Variants in ZXDC observed in about 807,000 individuals in gnomAD.
ZXDC encodes zinc finger protein ZXDC.
In ZXDC, 58 loss-of-function variants were observed where a neutral mutation model predicts 63.6. The observed-to-expected ratio is 0.91, with a 90% CI of 0.74 to 1.13. The LOEUF is 1.13. ZXDC is among the 50% of genes most tolerant of loss of function. The pLI is 0.00. For synonymous variants in ZXDC, 561 were observed against 496.1 expected, an observed-to-expected ratio of 1.13 and a Z score of -1.74; for missense variants, 1,133 against 1,148.9, an observed-to-expected ratio of 0.99 and a Z score of 0.20.
intron 7 of ZXDC, among the ~76,000 whole-genome samples, chr3:126,444,502 A>C (rs557576667): frequency 5.9e-5 from 9 of 152,182 alleles, no homozygotes; most frequent in Non-Finnish European, 1.2e-4. Context: ...ACTGCACTCC[A>C]GCCTGGGTGA....
intron 5 of ZXDC, among the ~76,000 whole-genome samples, chr3:126,465,170 GAAGT>G (rs1300412651): frequency 6.6e-6 from 1 of 152,240 alleles, no homozygotes; most frequent in Non-Finnish European, 1.5e-5. Flanking sequence ...CTGAGCAGCA[GAAGT>G]AACTCTAGGG....
chr3:126,445,771 C>A (rs530402804), intron 7 of ZXDC, among the ~76,000 whole-genome samples: 3 of 152,106 alleles, frequency 2.0e-5, no homozygotes, highest in Non-Finnish European at 4.4e-5. Context: ...AGGGGCCAAG[C>A]CCCAGTTGCT....
intron 7 of ZXDC, among the ~76,000 whole-genome samples, chr3:126,449,083 A>AC: frequency 6.6e-6 from 1 of 152,072 alleles, no homozygotes; most frequent in East Asian, 1.9e-4. Context: ...ATGTAGCAGG[A>AC]CCCCATCCTA....
intron 7 of ZXDC, chr3:126,451,954 G>A (rs1934120771): frequency 1.0e-6 from 1 of 985,394 alleles, no homozygotes; most frequent in Non-Finnish European, 1.2e-6. Flanking sequence ...ACAAGGGCAG[G>A]CTGCCCCCAC....
At chr3:126,466,381 C>A (rs1371145143) in intron 4 of ZXDC, 56 bp from the exon 5 acceptor site, 1 of 1,605,874 alleles carries the variant, frequency 6.2e-7, no homozygotes. Context: ...GAACCAGGAA[C>A]AAGTGACACT....
rs1933819171 is a variant in ZXDC at position 126,444,776 on chromosome 3, T to C, written c.2213-2830A>G. On this transcript the variant is annotated intron_variant, in intron 7 of 9. Coordinates refer to ENST00000389709, the MANE Select transcript of ZXDC (RefSeq NM_025112.5). ...AGCAAGAAATATGACTGAATCCTAA[T>C]ATTCCTTTGCAAAATGTGTGCTAGA... Among the ~76,000 whole-genome samples the C allele has an allele frequency of 2.0e-5, 3 of 152,220 alleles. No homozygotes were observed. The South Asian group carries it at 6.2e-4, about 31-fold the overall frequency.
At chr3:126,472,767 A>G (rs1935030198) in intron 1 of ZXDC, among the ~76,000 whole-genome samples, 2 of 152,126 alleles carry the variant, frequency 1.3e-5, no homozygotes, top group Admixed American at 6.5e-5. Flanking sequence ...CTACATATCC[A>G]AATTTCCTCC....
At chr3:126,451,233 C>T (rs1019927821) in intron 7 of ZXDC, 15 of 985,406 alleles carry the variant, frequency 1.5e-5, no homozygotes, top group East Asian at 1.1e-4. Flanking sequence ...GAAAACACCA[C>T]TTCATGCATG....
Position 126,437,817 on chromosome 3 carries a change from C to G in ZXDC, c.*558G>C, listed in dbSNP as rs7131. 0.24 allele frequency: 37,370 copies of G among 154,470 alleles called. 4,748 individuals are homozygous for G. The highest frequency in any genetic ancestry group is 0.41 in the East Asian group (2,106 of 5,166). The allele number at this position is 154,470 out of a possible 1,614,324, so 9.6% of individuals were successfully genotyped here. A position where few individuals can be genotyped will look rare whatever the true frequency, so the allele number is the denominator to read the frequency against. On this transcript the variant is annotated 3_prime_UTR_variant, in exon 10 of 10. Coordinates refer to ENST00000389709, the MANE Select transcript of ZXDC (RefSeq NM_025112.5). ...TCTGTCCCACCACATCATCCTCCCC[C>G]GAAAACTAGCTGCCCGACTGCTCTA...
At position 126,475,346 on chromosome 3, in the gene ZXDC, C is replaced by T; in HGVS notation, c.520G>A (p.Gly174Ser). ...APQASGPSTP[G>S]YRCPEPQCAL... is the part of the protein sequence containing the mutation. ...CACTGCGGCTCGGGGCAGCGGTAGC[C>T]GGGCGTGCTGGGGCCGGAGGCCTGG... is the stretch of plus-strand genomic sequence containing the variant. The change falls in exon 1 of 10, where the codon GGC (glycine) becomes AGC (serine). Residue 174 changes from glycine to serine, a missense_variant. Gly to Ser is a moderately conservative substitution (Grantham distance 56, BLOSUM62 0). Coordinates refer to ENST00000389709, the MANE Select transcript of ZXDC (RefSeq NM_025112.5). 6.6e-7 allele frequency: 1 copy of T among 1,518,422 alleles called. No homozygotes were observed. Among genetic ancestry groups the T allele is most frequent in the Non-Finnish European group, 8.8e-7 (1 of 1,131,346 alleles). The allele number at this position is 1,518,422 out of a possible 1,614,324, so 94.1% of individuals were successfully genotyped here. A position where few individuals can be genotyped will look rare whatever the true frequency, so the allele number is the denominator to read the frequency against.
intron 5 of ZXDC, among the ~76,000 whole-genome samples, chr3:126,464,189 C>T (rs1934662218): frequency 6.6e-6 from 1 of 152,214 alleles, no homozygotes; most frequent in Non-Finnish European, 1.5e-5. Context: ...ACATTTACTA[C>T]CAGAGACCAG....
At chr3:126,457,113 A>T in intron 7 of ZXDC, 1 of 307,154 alleles carries the variant, frequency 3.3e-6, no homozygotes, top group Non-Finnish European at 4.8e-6. Flanking sequence ...GGTGACAATT[A>T]AATGCACATG....
intron 7 of ZXDC, chr3:126,450,294 CAA>C: frequency 2.2e-6 from 1 of 455,716 alleles, no homozygotes; most frequent in Non-Finnish European, 4.4e-6. Flanking sequence ...GACTGCTGGG[CAA>C]AATTCTCCTG....
intron 2 of ZXDC, 22 bp downstream of exon 2, chr3:126,472,131 T>C (rs768952962): frequency 6.2e-7 from 1 of 1,608,998 alleles, no homozygotes; most frequent in East Asian, 2.2e-5. Context: ...GTCCAAATGC[T>C]GTGCGTTCCC....
intron 6 of ZXDC, chr3:126,460,477 T>C (rs1008641515): frequency 3.0e-6 from 3 of 985,258 alleles, no homozygotes; most frequent in South Asian, 4.7e-5. Context: ...ACCAAGGTCT[T>C]GCTGGCTTCT....
intron 7 of ZXDC, chr3:126,443,272 C>T (rs1461996144): frequency 1.3e-5 from 2 of 152,336 alleles, no homozygotes; most frequent in Middle Eastern, 3.4e-3. Flanking sequence ...CAGCAACCCT[C>T]GCTCTGGATC....
At chr3:126,453,691 TA>T (rs1419108348) in intron 7 of ZXDC, 5 of 985,098 alleles carry the variant, frequency 5.1e-6, no homozygotes, top group South Asian at 4.7e-5. Flanking sequence ...AATTAGCTTT[TA>T]TTTTTTTTCT....
chr3:126,438,281 A>G lies in ZXDC; in HGVS notation c.*94T>C. The G allele has an allele frequency of 9.2e-7, 1 of 1,087,520 alleles. No individual in the cohort carries two copies. Among genetic ancestry groups the G allele is most frequent in the Non-Finnish European group, 1.4e-6 (1 of 725,830 alleles). 67.4% of individuals were successfully genotyped at this position (1,087,520 alleles called of 1,614,324 possible). On this transcript the variant is annotated 3_prime_UTR_variant, in exon 10 of 10. Coordinates refer to ENST00000389709, the MANE Select transcript of ZXDC (RefSeq NM_025112.5). ...AGGGCTACGCTGGTCTTCTGAACGG[A>G]AACCAAATGAGGTCTCCCCAGGCTC...
intron 8 of ZXDC, chr3:126,441,214 C>T (rs1013986033): frequency 1.0e-5 from 10 of 985,710 alleles, no homozygotes; most frequent in African/African-American, 5.2e-5. Flanking sequence ...ATCTGTGGCC[C>T]GGACAGGCTG....
Sources: gnomAD v4.1 joint callset for allele counts (sites outside exome capture counted in the v4.1 genomes callset) on GRCh38, gnomAD v4.1.1 for gene constraint, MANE v1.5 for transcripts, NCBI Gene and HGNC (gene_info 2026-07-23, HGNC 2026-07-21) for gene names.